Variants in CD200R1L observed in about 807,000 individuals in gnomAD.
CD200R1L encodes the protein CD200 receptor 1 like.
In CD200R1L, 14 loss-of-function variants were observed where a neutral mutation model predicts 24.8. That is an observed-to-expected ratio of 0.56 (90% CI 0.37 to 0.88). CD200R1L has a LOEUF of 0.88. CD200R1L is among the 40% of genes least tolerant of loss of function. CD200R1L has a pLI of 0.00. For synonymous variants in CD200R1L, 111 were observed against 109.2 expected, an observed-to-expected ratio of 1.02 and a Z score of -0.11; for missense variants, 299 against 297.8, an observed-to-expected ratio of 1.00 and a Z score of -0.03.
chr3:112,819,220 G>A (rs770005136), intron 7 of CD200R1L, among the ~76,000 whole-genome samples: 22 of 152,132 alleles, frequency 1.4e-4, no homozygotes, highest in Non-Finnish European at 2.8e-4. Context: ...ATTACAATTT[G>A]AGATGAAATT....
At chr3:112,824,211 G>A (rs1422565863) in intron 6 of CD200R1L, among the ~76,000 whole-genome samples, 1 of 152,064 alleles carries the variant, frequency 6.6e-6, no homozygotes, top group Non-Finnish European at 1.5e-5. Context: ...AAAAATTAAG[G>A]TAAAATCAAC....
intron 2 of CD200R1L, among the ~76,000 whole-genome samples, chr3:112,843,715 G>C (rs539286326): frequency 6.6e-6 from 1 of 152,248 alleles, no homozygotes; most frequent in Admixed American, 6.5e-5. Context: ...TATTAATATG[G>C]AATTAACCTA....
intron 4 of CD200R1L, 122 bp downstream of exon 4, chr3:112,829,197 C>A (rs1451595133): frequency 4.2e-6 from 3 of 708,864 alleles, no homozygotes; most frequent in South Asian, 3.6e-5. Context: ...CCACAGCACT[C>A]AGATCAACAT....
At chr3:112,830,088 A>G (rs1559923397) in intron 3 of CD200R1L, among the ~76,000 whole-genome samples, 1 of 152,228 alleles carries the variant, frequency 6.6e-6, no homozygotes, top group Non-Finnish European at 1.5e-5. Context: ...GCTTAGAAAC[A>G]GGGTCACTTC....
At position 112,815,795 on chromosome 3, in the gene CD200R1L, A is replaced by G. The variant is rs1938371276; in HGVS notation, c.*168T>C. 3.4e-6 allele frequency: 2 copies of G among 595,490 alleles called. No homozygotes were observed. Among genetic ancestry groups the G allele is most frequent in the East Asian group, 5.6e-5 (2 of 35,854 alleles). 36.9% of individuals were successfully genotyped at this position (595,490 alleles called of 1,614,324 possible). A position where few individuals can be genotyped will look rare whatever the true frequency, so the allele number is the denominator to read the frequency against. ...GGGTTTATAGGGAAACTTCATGGTC[A>G]TCAAGCCCAGGATCCTTCTTCCATC... On this transcript the variant is annotated 3_prime_UTR_variant, in exon 8 of 8. Coordinates refer to ENST00000488794, the MANE Select transcript of CD200R1L (RefSeq NM_001199215.3).
At chr3:112,832,005 T>C (rs545839207) in intron 3 of CD200R1L, among the ~76,000 whole-genome samples, 1 of 152,302 alleles carries the variant, frequency 6.6e-6, no homozygotes, top group African/African-American at 2.4e-5. Context: ...TTATTATTAT[T>C]GTAACTCATT....
intron 2 of CD200R1L, among the ~76,000 whole-genome samples, chr3:112,842,451 C>T (rs1261885590): frequency 2.6e-5 from 4 of 152,152 alleles, no homozygotes; most frequent in Non-Finnish European, 4.4e-5. Context: ...TACAAATTGA[C>T]TGTAAAACAT....
At chr3:112,840,253 A>C (rs1199141718) in intron 2 of CD200R1L, among the ~76,000 whole-genome samples, 2 of 152,196 alleles carry the variant, frequency 1.3e-5, no homozygotes, top group African/African-American at 4.8e-5. Context: ...TTTATAAAGA[A>C]AAGAGGTTTA....
At chr3:112,840,995 C>T (rs1424820915) in intron 2 of CD200R1L, among the ~76,000 whole-genome samples, 1 of 152,158 alleles carries the variant, frequency 6.6e-6, no homozygotes, top group Non-Finnish European at 1.5e-5. Context: ...CAGATCTGCT[C>T]CTTAATCCCA....
chr3:112,825,767 AAAGAG>A (rs1938642689), intron 6 of CD200R1L, among the ~76,000 whole-genome samples: 1 of 152,226 alleles, frequency 6.6e-6, no homozygotes, highest in Non-Finnish European at 1.5e-5. Flanking sequence ...AAACTAAACA[AAAGAG>A]AGAGGAGAAT....
At chr3:112,831,109 G>T (rs950553381) in intron 3 of CD200R1L, among the ~76,000 whole-genome samples, 3 of 152,168 alleles carry the variant, frequency 2.0e-5, no homozygotes, top group Non-Finnish European at 2.9e-5. Context: ...TAATTTTTAA[G>T]ATGTTAACAT....
At chr3:112,829,426 G>A in intron 3 of CD200R1L, 42 bp from the exon 4 acceptor site, 2 of 1,551,872 alleles carry the variant, frequency 1.3e-6, no homozygotes, top group African/African-American at 1.4e-5. Flanking sequence ...TCAATTTTAT[G>A]TACTCAGAAT....
rs1159883900 is a variant in CD200R1L, at chr3:112,815,712, G to A, written c.*251C>T. ...GTAGAGTAAAACCAAAAATAACACT[G>A]GCATGAACAAAATTTTATTCACTCT... On this transcript the variant is annotated 3_prime_UTR_variant, in exon 8 of 8. Transcript: ENST00000488794. 3.0e-5 allele frequency: 14 copies of A among 461,794 alleles called. No individual in the cohort carries two copies. The Admixed American group carries it at 5.1e-4, about 17-fold the overall frequency. 28.6% of individuals were successfully genotyped at this position (461,794 alleles called of 1,614,324 possible).
chr3:112,832,068 C>T (rs771271634), intron 3 of CD200R1L, among the ~76,000 whole-genome samples: 9 of 152,162 alleles, frequency 5.9e-5, no homozygotes, highest in Non-Finnish European at 1.0e-4. Context: ...CATCTGAAAA[C>T]CACACTTTGA....
At chr3:112,840,350 A>G (rs1939049469) in intron 2 of CD200R1L, among the ~76,000 whole-genome samples, 4 of 152,224 alleles carry the variant, frequency 2.6e-5, no homozygotes, top group African/African-American at 7.2e-5. Context: ...TCATGGCAGA[A>G]GGCAAAGCCA....
At chr3:112,824,257 G>A (rs892714226) in intron 6 of CD200R1L, among the ~76,000 whole-genome samples, 11 of 152,144 alleles carry the variant, frequency 7.2e-5, no homozygotes, top group African/African-American at 2.7e-4. Context: ...TGGGGAATAA[G>A]AAAGAGAAAT....
At chr3:112,824,957 G>T (rs1183534531) in intron 6 of CD200R1L, among the ~76,000 whole-genome samples, 4 of 152,182 alleles carry the variant, frequency 2.6e-5, no homozygotes, top group Non-Finnish European at 1.5e-5. Context: ...TGCATGTAAG[G>T]CCGGGCACGG....
At chr3:112,817,336 T>C (rs1938420668) in intron 7 of CD200R1L, among the ~76,000 whole-genome samples, 2 of 152,186 alleles carry the variant, frequency 1.3e-5, no homozygotes, top group Admixed American at 1.3e-4. Flanking sequence ...CTGGGCTAGA[T>C]GTTGCAGTGA....
intron 6 of CD200R1L, among the ~76,000 whole-genome samples, chr3:112,823,627 G>T (rs187082423): frequency 9.6e-4 from 146 of 152,328 alleles, no homozygotes; most frequent in African/African-American, 3.3e-3. Flanking sequence ...GGCTGTGGAG[G>T]TGCTATGACA....
Sources: gnomAD v4.1 joint callset for allele counts (sites outside exome capture counted in the v4.1 genomes callset) on GRCh38, gnomAD v4.1.1 for gene constraint, MANE v1.5 for transcripts, NCBI Gene and HGNC (gene_info 2026-07-23, HGNC 2026-07-21) for gene names.